The following PCP4L1 variants were observed in gnomAD, a reference collection of about 807,000 sequenced individuals.
The protein encoded by PCP4L1 is Purkinje cell protein 4-like protein 1.
In PCP4L1, 9 loss-of-function variants were observed where a neutral mutation model predicts 9.6. That is an observed-to-expected ratio of 0.94 (90% CI 0.57 to 1.64). The LOEUF is 1.64. Ranked by LOEUF, PCP4L1 falls within the 40% of genes most tolerant of loss-of-function variation. The probability of loss-of-function intolerance (pLI) is 0.00; values close to 1 mark genes in which losing one functional copy is unlikely to be tolerated. For missense variants in PCP4L1, 81 were observed against 80.8 expected (o/e 1.00, Z -0.01); for synonymous variants, 31 against 28.2 (o/e 1.10, Z -0.31).
chr1:161,259,275 T>C (rs1669379886), intron 1 of PCP4L1, among the ~76,000 whole-genome samples: 1 of 152,166 alleles, frequency 6.6e-6, no homozygotes, highest in Non-Finnish European at 1.5e-5. Flanking sequence ...TCATCCCCTC[T>C]GGATACTGCC....
chr1:161,265,885 C>T (rs1284843611), intron 1 of PCP4L1, among the ~76,000 whole-genome samples: 1 of 151,602 alleles, frequency 6.6e-6, no homozygotes, highest in Non-Finnish European at 1.5e-5. Flanking sequence ...TTACAGGCAC[C>T]CAACACCACG....
intron 1 of PCP4L1, among the ~76,000 whole-genome samples, chr1:161,282,071 T>C (rs992355740): frequency 3.3e-4 from 51 of 152,268 alleles, no homozygotes; most frequent in African/African-American, 1.2e-3. Context: ...GCGGAGATCA[T>C]GCCACTGCAC....
At chr1:161,281,241 C>A (rs1669790584) in intron 1 of PCP4L1, among the ~76,000 whole-genome samples, 1 of 152,102 alleles carries the variant, frequency 6.6e-6, no homozygotes, top group African/African-American at 2.4e-5. Context: ...ATGTCTACTT[C>A]TTTCTACACA....
At chr1:161,280,150 A>C (rs1669769978) in intron 1 of PCP4L1, among the ~76,000 whole-genome samples, 1 of 151,978 alleles carries the variant, frequency 6.6e-6, no homozygotes, top group Non-Finnish European at 1.5e-5. Flanking sequence ...TCCTTTCTTT[A>C]ATACCTCTTC....
At chr1:161,261,426 G>C (rs904879782) in intron 1 of PCP4L1, among the ~76,000 whole-genome samples, 1 of 152,138 alleles carries the variant, frequency 6.6e-6, no homozygotes, top group Non-Finnish European at 1.5e-5. Context: ...GTGTGCGTTC[G>C]TGCACGAAGG....
Position 161,279,557 on chromosome 1 carries a change from C to T in PCP4L1, c.10-4111C>T, listed in dbSNP as rs376541878. Among the ~76,000 whole-genome samples, 20 of 152,224 alleles carry T rather than the reference C, an allele frequency of 1.3e-4. 1 individual carries two copies. Among genetic ancestry groups the T allele is most frequent in the Non-Finnish European group, 2.4e-4 (16 of 68,048 alleles). ...TCAGTTTCTCAAAGCAGAACCCTTA[C>T]GTCTGGCAGTCATTCAACAGAGGTC... On this transcript the variant is annotated intron_variant, in intron 1 of 2. Coordinates refer to ENST00000504449, the MANE Select transcript of PCP4L1 (RefSeq NM_001102566.2).
At chr1:161,264,555 G>A (rs1669498062) in intron 1 of PCP4L1, among the ~76,000 whole-genome samples, 1 of 151,900 alleles carries the variant, frequency 6.6e-6, no homozygotes, top group African/African-American at 2.4e-5. Context: ...GTAGCTGAGT[G>A]TGGTGGTTCA....
At chr1:161,278,427 TTTTTC>T (rs1355601446) in intron 1 of PCP4L1, among the ~76,000 whole-genome samples, 3 of 152,044 alleles carry the variant, frequency 2.0e-5, no homozygotes, top group African/African-American at 2.4e-5. Context: ...TTCCTTCTTT[TTTTTC>T]TTTTCTTTTC....
intron 1 of PCP4L1, among the ~76,000 whole-genome samples, chr1:161,275,881 C>T (rs4657006): frequency 0.46 from 68,512 of 149,964 alleles, 16,042 homozygotes; most frequent in East Asian, 0.64. Flanking sequence ...TTGCAACCTC[C>T]GCCTCCCTGG....
intron 1 of PCP4L1, among the ~76,000 whole-genome samples, chr1:161,264,141 G>C (rs922264725): frequency 2.0e-5 from 3 of 151,112 alleles, no homozygotes; most frequent in African/African-American, 7.3e-5. Context: ...TGAAACTCCT[G>C]GCCTCAAGTG....
intron 1 of PCP4L1, among the ~76,000 whole-genome samples, chr1:161,278,770 G>A (rs1168875652): frequency 6.6e-6 from 1 of 152,066 alleles, no homozygotes; most frequent in Non-Finnish European, 1.5e-5. Context: ...CTCCAGCCAT[G>A]ATGGTCTTTC....
chr1:161,272,186 C>CTTTTT (rs11365328), intron 1 of PCP4L1, among the ~76,000 whole-genome samples: 13 of 145,392 alleles, frequency 8.9e-5, no homozygotes, highest in African/African-American at 1.0e-4. Flanking sequence ...GGGGTAATCC[C>CTTTTT]TTTTTTTTTT....
At position 161,283,704 on chromosome 1, in the gene PCP4L1, G is replaced by T. The variant is rs750569214; in HGVS notation, c.46G>T (p.Ala16Ser). ...AACATCCCCAGCAACCAACCAGGCA[G>T]CTGGCCAAGAGGAAAAAGGTGAGTG... ...TKTSPATNQAAGQEEKGKAGN... is the reference protein window; with the variant it reads ...TKTSPATNQASGQEEKGKAGN... The change falls in exon 2 of 3, where the codon GCT becomes TCT. Residue 16 changes from alanine to serine, a missense_variant. Physicochemically the swap from Ala to Ser is moderately conservative, Grantham distance 99. Coordinates refer to ENST00000504449, the MANE Select transcript of PCP4L1 (RefSeq NM_001102566.2). The T allele has an allele frequency of 1.2e-6, 2 of 1,606,432 alleles. No homozygotes were observed. Among genetic ancestry groups the T allele is most frequent in the Admixed American group, 3.4e-5 (2 of 58,894 alleles).
chr1:161,261,597 T>G (rs1352324050), intron 1 of PCP4L1, among the ~76,000 whole-genome samples: 1 of 152,216 alleles, frequency 6.6e-6, no homozygotes, highest in Non-Finnish European at 1.5e-5. Flanking sequence ...CTCTTCCCTA[T>G]AATCCTTTTT....
chr1:161,258,915 C>T lies in PCP4L1; in HGVS notation c.-60C>T. The T allele has an allele frequency of 6.5e-7, 1 of 1,534,976 alleles. No individual in the cohort carries two copies. The highest frequency in any genetic ancestry group is 1.2e-5 in the South Asian group (1 of 84,016). Reference sequence around the variant, plus strand: ...CTTTCAGCTGTCGCCCGCGGAGCCCCGAGGGCCACTCGCCTCACCTGTGCG... The same window carrying T: ...CTTTCAGCTGTCGCCCGCGGAGCCCTGAGGGCCACTCGCCTCACCTGTGCG... On this transcript the variant is annotated 5_prime_UTR_variant, in exon 1 of 3. Transcript: ENST00000504449.
rs1042564550 is a variant in PCP4L1, at chr1:161,270,709, TA to T, written c.9+11731del. Among the ~76,000 whole-genome samples, 25 of 151,976 alleles carry T rather than the reference TA, an allele frequency of 1.6e-4. 1 individual carries two copies. Among genetic ancestry groups the T allele is most frequent in the African/African-American group, 6.0e-4 (25 of 41,394 alleles). On this transcript the variant is annotated intron_variant, in intron 1 of 2. Transcript: ENST00000504449. ...CAACATGGTGAAACGCCATCTCTACTAAAAATACAAACAAAATTAGCTGGGC... is the reference window on the plus strand; with the variant it reads ...CAACATGGTGAAACGCCATCTCTACTAAAATACAAACAAAATTAGCTGGGC...
chr1:161,258,859 C>A lies in PCP4L1; in HGVS notation c.-116C>A. ...TCCGCACTAACTCTCCTCTCCTGGT[C>A]AGCTGTAACCCCTGCCGCAGAGCCC... On this transcript the variant is annotated 5_prime_UTR_variant, in exon 1 of 3. Transcript: ENST00000504449. 1 of 1,444,774 alleles carries A rather than the reference C, an allele frequency of 6.9e-7. No homozygotes were observed. Among genetic ancestry groups the A allele is most frequent in the South Asian group, 1.2e-5 (1 of 81,798 alleles). The allele number at this position is 1,444,774 out of a possible 1,614,324, so 89.5% of individuals were successfully genotyped here.
chr1:161,283,573 T>C, intron 1 of PCP4L1, 95 bp from the exon 2 acceptor site: 2 of 1,135,314 alleles, frequency 1.8e-6, no homozygotes, highest in Non-Finnish European at 2.5e-6. Context: ...CACCTGGTAA[T>C]AGGGTTTGAG....
chr1:161,264,750 G>A (rs1669501237), intron 1 of PCP4L1, among the ~76,000 whole-genome samples: 1 of 151,852 alleles, frequency 6.6e-6, no homozygotes, highest in South Asian at 2.1e-4. Context: ...GATCTCTTGA[G>A]CCTGGGAGGT....
Sources: allele counts gnomAD v4.1 joint callset (sites outside exome capture counted in the v4.1 genomes callset), GRCh38; gene constraint gnomAD v4.1.1; transcripts MANE v1.5; gene names NCBI Gene and HGNC (gene_info 2026-07-23, HGNC 2026-07-21).